Variants in KIAA1549L observed in about 807,000 individuals in gnomAD.
The protein encoded by KIAA1549L is KIAA1549 like.
In KIAA1549L, 88 loss-of-function variants were observed where a neutral mutation model predicts 160.7. The observed-to-expected ratio is 0.55, with a 90% CI of 0.46 to 0.65. KIAA1549L has a LOEUF of 0.65. Ranked by LOEUF, KIAA1549L falls within the 30% of genes least tolerant of loss-of-function variation. The pLI, the probability that KIAA1549L is intolerant of heterozygous loss-of-function variation, is 0.00. For missense variants in KIAA1549L, 2,258 were observed against 2,437.5 expected, an observed-to-expected ratio of 0.93 and a Z score of 1.55; for synonymous variants, 950 against 976.7, an observed-to-expected ratio of 0.97 and a Z score of 0.51.
chr11:33,514,531 G>A (rs967672726), intron 1 of KIAA1549L, among the ~76,000 whole-genome samples: 5 of 152,102 alleles, frequency 3.3e-5, no homozygotes, highest in East Asian at 1.9e-4. Flanking sequence ...TATTTCTCCC[G>A]GCTTCATATC....
At chr11:33,486,576 A>G (rs1277911928) in intron 1 of KIAA1549L, among the ~76,000 whole-genome samples, 1 of 152,218 alleles carries the variant, frequency 6.6e-6, no homozygotes, top group Non-Finnish European at 1.5e-5. Context: ...TCTTTGTAAT[A>G]AAGATATTAT....
chr11:33,631,596 C>T lies in KIAA1549L; in HGVS notation c.5409+12934C>T, dbSNP rs534238518. Among the ~76,000 whole-genome samples the T allele has an allele frequency of 1.1e-3, 173 of 152,302 alleles. 1 individual carries two copies. Among genetic ancestry groups the T allele is most frequent in the African/African-American group, 4.0e-3 (167 of 41,566 alleles). On this transcript the variant is annotated intron_variant, in intron 16 of 20. Coordinates refer to ENST00000658780, the MANE Select transcript of KIAA1549L (RefSeq NM_012194.3). ...ATACGTCTCCAGGCATTGCAGATGTCCCCTGGTGGTCAAACCTGCTCCTGG... is the reference window on the plus strand; with the variant it reads ...ATACGTCTCCAGGCATTGCAGATGTTCCCTGGTGGTCAAACCTGCTCCTGG...
chr11:33,538,168 A>C (rs908561826), intron 1 of KIAA1549L, among the ~76,000 whole-genome samples: 20 of 152,226 alleles, frequency 1.3e-4, no homozygotes, highest in Non-Finnish European at 8.8e-5. Context: ...TTATAAAACC[A>C]GATCTCGTGA....
chr11:33,413,404 C>T (rs567800613), intron 1 of KIAA1549L, among the ~76,000 whole-genome samples: 16 of 148,834 alleles, frequency 1.1e-4, no homozygotes, highest in South Asian at 4.3e-4. Context: ...TGCCACTGCG[C>T]GCCAGCTGGG....
intron 1 of KIAA1549L, among the ~76,000 whole-genome samples, chr11:33,377,361 G>C (rs1388190401): frequency 6.6e-6 from 1 of 152,084 alleles, no homozygotes; most frequent in East Asian, 1.9e-4. Flanking sequence ...CTTTTCTTTT[G>C]GGAAGGAGGT....
At chr11:33,622,820 C>G (rs1490593623) in intron 16 of KIAA1549L, among the ~76,000 whole-genome samples, 2 of 152,080 alleles carry the variant, frequency 1.3e-5, no homozygotes, top group African/African-American at 4.8e-5. Flanking sequence ...AAAGTATATC[C>G]CAAAGGCGAA....
chr11:33,494,738 G>A (rs960224917), intron 1 of KIAA1549L, among the ~76,000 whole-genome samples: 5 of 152,158 alleles, frequency 3.3e-5, no homozygotes, highest in Non-Finnish European at 7.3e-5. Flanking sequence ...TTGCAAATCC[G>A]GAAAAGAGCC....
intron 1 of KIAA1549L, chr11:33,403,270 C>CAGAG (rs1565121731): frequency 2.3e-5 from 1 of 43,410 alleles, no homozygotes; most frequent in Non-Finnish European, 4.7e-5. Context: ...GACACAGACA[C>CAGAG]ACACAGACAC....
At chr11:33,572,022 C>T (rs1272550044) in intron 9 of KIAA1549L, among the ~76,000 whole-genome samples, 1 of 151,156 alleles carries the variant, frequency 6.6e-6, no homozygotes, top group Non-Finnish European at 1.5e-5. Context: ...TATATAGTCC[C>T]AACATTTTAT....
chr11:33,383,356 G>A (rs959264829), intron 1 of KIAA1549L, among the ~76,000 whole-genome samples: 7 of 150,370 alleles, frequency 4.7e-5, no homozygotes, highest in Non-Finnish European at 7.4e-5. Flanking sequence ...AAACATTTTC[G>A]TTGCTTGACA....
At chr11:33,387,189 A>G (rs1366037515) in intron 1 of KIAA1549L, among the ~76,000 whole-genome samples, 1 of 152,188 alleles carries the variant, frequency 6.6e-6, no homozygotes, top group East Asian at 1.9e-4. Flanking sequence ...GTGCAGAACA[A>G]TTTCTCTTTT....
rs1564924783 is a variant in KIAA1549L, at chr11:33,614,557, T to TAC, written c.5280-3975_5280-3974insCA. On this transcript the variant is annotated intron_variant, in intron 15 of 20. Coordinates refer to ENST00000658780, the MANE Select transcript of KIAA1549L (RefSeq NM_012194.3). ...ATATATATATATATATATATATATA[T>TAC]ATATATATATATATATATATATATA... Among the ~76,000 whole-genome samples the TAC allele has an allele frequency of 6.3e-3, 97 of 15,316 alleles. 3 individuals are homozygous for TAC. Among genetic ancestry groups the TAC allele is most frequent in the Non-Finnish European group, 0.011 (88 of 7,908 alleles). 10.0% of individuals were successfully genotyped at this position (15,316 alleles called of 152,430 possible).
intron 15 of KIAA1549L, among the ~76,000 whole-genome samples, chr11:33,616,660 A>C (rs1467764674): frequency 6.6e-6 from 1 of 152,180 alleles, no homozygotes. Context: ...TTTGCCTTAG[A>C]ATTCTACTGC....
chr11:33,606,725 G>A lies in KIAA1549L; in HGVS notation c.4964G>A (p.Gly1655Glu), dbSNP rs1850512908. ...VAAEPFDTSS[G>E]SVQLIAIKPT... ...GCTGAACCCTTTGACACATCTTCTGGGTCTGTGCAGCTCATTGCCATAAAA... is the reference window on the plus strand; with the variant it reads ...GCTGAACCCTTTGACACATCTTCTGAGTCTGTGCAGCTCATTGCCATAAAA... The change falls in exon 14 of 21, where the codon GGG becomes GAG. Residue 1655 changes from glycine (G) to glutamate (E), a missense_variant. Physicochemically the swap from Gly to Glu is moderately conservative, Grantham distance 98. Around this residue, in one of 6 missense-constraint regions of KIAA1549L, gnomAD observed 1,359 missense variants for 1,546.6 expected, o/e 0.88. Coordinates refer to ENST00000658780, the MANE Select transcript of KIAA1549L (RefSeq NM_012194.3). 2 of 1,613,710 alleles carry A rather than the reference G, an allele frequency of 1.2e-6. No individual in the cohort carries two copies. The highest frequency in any genetic ancestry group is 1.1e-5 in the South Asian group (1 of 91,060).
intron 13 of KIAA1549L, among the ~76,000 whole-genome samples, chr11:33,600,580 T>C (rs1368087415): frequency 6.7e-6 from 1 of 148,942 alleles, no homozygotes; most frequent in African/African-American, 2.5e-5. Flanking sequence ...CTTCCTTCCT[T>C]TATATACTTC....
At chr11:33,601,778 A>C (rs553753663) in intron 13 of KIAA1549L, among the ~76,000 whole-genome samples, 28 of 152,334 alleles carry the variant, frequency 1.8e-4, no homozygotes, top group African/African-American at 6.5e-4. Flanking sequence ...TTTTATGTAA[A>C]AAAGAACTTT....
chr11:33,386,944 T>C (rs538649891), intron 1 of KIAA1549L, among the ~76,000 whole-genome samples: 100 of 151,886 alleles, frequency 6.6e-4, no homozygotes, highest in African/African-American at 2.3e-3. Context: ...CCGTCTCTAC[T>C]AAAAATACAA....
At chr11:33,475,023 G>A (rs1032517562) in intron 1 of KIAA1549L, among the ~76,000 whole-genome samples, 4 of 152,180 alleles carry the variant, frequency 2.6e-5, no homozygotes, top group Admixed American at 6.5e-5. Context: ...GAGAACTCTG[G>A]GTGTGTGGGT....
At position 33,583,403 on chromosome 11, in the gene KIAA1549L, G is replaced by A; in HGVS notation, c.4468G>A (p.Val1490Ile). 1 of 1,603,770 alleles carries A rather than the reference G, an allele frequency of 6.2e-7. No homozygotes were observed. Among genetic ancestry groups the A allele is most frequent in the Non-Finnish European group, 8.5e-7 (1 of 1,175,240 alleles). Reference protein sequence around the residue: ...IAAVLAPIAVVTVIIIIITAV... With the variant: ...IAAVLAPIAVITVIIIIITAV... ...TGCAGTGCTGGCGCCCATTGCCGTG[G>A]TCACGGTCATCATCATCATCATCAC... Residue 1490 changes from valine (V) to isoleucine (I), a missense_variant, in exon 11 of 21, where the codon GTC (valine) becomes ATC (isoleucine). Physicochemically the swap from Val to Ile is conservative, Grantham distance 29. Coordinates refer to ENST00000658780, the MANE Select transcript of KIAA1549L (RefSeq NM_012194.3).
Sources: allele counts gnomAD v4.1 joint callset (sites outside exome capture counted in the v4.1 genomes callset), GRCh38; gene constraint gnomAD v4.1.1; regional missense constraint gnomAD v4.1.1; transcripts MANE v1.5; gene names NCBI Gene and HGNC (gene_info 2026-07-23, HGNC 2026-07-21).